The following COMMD5 variants were observed in gnomAD, a reference collection of about 807,000 sequenced individuals.
The protein encoded by COMMD5 is COMM domain-containing protein 5.
Under a neutral mutation model 6.9 loss-of-function variants are expected in COMMD5, and 10 were observed. The ratio of observed to expected loss-of-function variants is 1.44; its 90% CI spans 0.89 to 2.45. COMMD5 has a LOEUF of 2.45. Ranked by LOEUF, COMMD5 falls within the 30% of genes most tolerant of loss-of-function variation. The probability of loss-of-function intolerance (pLI) is 0.00; values close to 1 mark genes in which losing one functional copy is unlikely to be tolerated. For missense variants in COMMD5, 234 were observed against 287.8 expected (o/e 0.81, Z 1.35); for synonymous variants, 127 against 125.3 (o/e 1.01, Z -0.09).
downstream of COMMD5, among the ~76,000 whole-genome samples, chr8:144,847,728 C>T (rs940953738): frequency 2.6e-5 from 4 of 152,186 alleles, no homozygotes; most frequent in African/African-American, 4.8e-5. Flanking sequence ...GGGAGGCATC[C>T]AGGCTTTGAG....
At chr8:144,847,340 G>A (rs1266679600), downstream of COMMD5, 3 of 152,248 alleles carry the variant, frequency 2.0e-5, no homozygotes, top group African/African-American at 7.2e-5. Context: ...AGCACTTTGA[G>A]AGGCCAAGGA....
At chr8:144,841,169 A>G in exon 2 of COMMD5, 1 of 645,502 alleles carries the variant, frequency 1.5e-6, no homozygotes, top group South Asian at 2.1e-5. Flanking sequence ...TGAACAAGGT[A>G]AAAAGTATGA....
chr8:144,848,775 C>T (rs965461411), downstream of COMMD5, among the ~76,000 whole-genome samples: 2 of 152,150 alleles, frequency 1.3e-5, no homozygotes, highest in African/African-American at 4.8e-5. Context: ...AGTGGAATGA[C>T]CAAAATCCTG....
chr8:144,842,730 AAT>A (rs759808315), intron 1 of COMMD5: 46 of 1,613,874 alleles, frequency 2.9e-5, no homozygotes, highest in Non-Finnish European at 3.4e-6. Context: ...CACAGCTTAC[AAT>A]ACATCAAAGG....
At chr8:144,849,861 T>C (rs76258117), downstream of COMMD5, among the ~76,000 whole-genome samples, 7,869 of 151,258 alleles carry the variant, frequency 0.052, 336 homozygotes, top group African/African-American at 0.11. Context: ...TCAGAAGGGC[T>C]CCTCTGTCAC....
chr8:144,846,300 T>C, downstream of COMMD5: 2 of 1,009,692 alleles, frequency 2.0e-6, no homozygotes, highest in East Asian at 2.6e-5. Flanking sequence ...TGGATTGACA[T>C]GGTCCTAAGT....
At chr8:144,844,363 CTT>C (rs947620627) in intron 1 of COMMD5, among the ~76,000 whole-genome samples, 1 of 151,956 alleles carries the variant, frequency 6.6e-6, no homozygotes, top group Non-Finnish European at 1.5e-5. Flanking sequence ...AGTTGCCCCA[CTT>C]TTTTTTGGTA....
downstream of COMMD5, among the ~76,000 whole-genome samples, chr8:144,839,306 C>G (rs545479808): frequency 2.0e-4 from 30 of 152,244 alleles, no homozygotes; most frequent in African/African-American, 6.0e-4. Flanking sequence ...GCCTTGCAGC[C>G]GCCCAGGAAG....
rs774803769 is a variant in COMMD5 at position 144,841,677 on chromosome 8, T to C, written c.*183A>G. On this transcript the variant is annotated 3_prime_UTR_variant and NMD_transcript_variant, in exon 2 of 2. Coordinates refer to the COMMD5 transcript ENST00000530332. ...AGCCTCTTGAAAGTCAGGGAGAGAG[T>C]GCGGAAGGGATGTCCCAGAGATGCG... The C allele has an allele frequency of 1.4e-5, 22 of 1,613,630 alleles. No individual in the cohort carries two copies. In the Admixed American group the frequency reaches 2.2e-4, roughly 16 times the overall value.
chr8:144,847,437 T>C (rs996961786), downstream of COMMD5: 1 of 152,184 alleles, frequency 6.6e-6, no homozygotes, highest in African/African-American at 2.4e-5. Context: ...AGTGAGGCCC[T>C]GTCTCCACAA....
At chr8:144,852,176 G>T (rs1830777477) in intron 1 of COMMD5, among the ~76,000 whole-genome samples, 2 of 120,494 alleles carry the variant, frequency 1.7e-5, no homozygotes, top group African/African-American at 3.1e-5. Context: ...GAGGGGGGAG[G>T]GAGGGGAGGC....
chr8:144,842,669 G>T, intron 1 of COMMD5: 5 of 1,614,156 alleles, frequency 3.1e-6, no homozygotes, highest in Non-Finnish European at 4.2e-6. Flanking sequence ...ATCCATAAAG[G>T]AGAGAAGCCC....
At chr8:144,842,717 G>A in intron 1 of COMMD5, 2 of 1,614,096 alleles carry the variant, frequency 1.2e-6, no homozygotes, top group Non-Finnish European at 1.7e-6. Flanking sequence ...TTCAGTATGA[G>A]CACACAGCTT....
chr8:144,841,344 GT>G, exon 2 of COMMD5: 1 of 1,593,706 alleles, frequency 6.3e-7, no homozygotes, highest in Non-Finnish European at 8.6e-7. Context: ...CTTTGTTCCT[GT>G]TTATTTCAGA....
chr8:144,838,357 C>T (rs935325885), downstream of COMMD5: 9 of 561,192 alleles, frequency 1.6e-5, no homozygotes, highest in Admixed American at 2.8e-4. Flanking sequence ...TTCAGCCTAT[C>T]TTGGGGTCCT....
downstream of COMMD5, chr8:144,840,957 T>C (rs118056871): frequency 7.6e-4 from 152 of 198,748 alleles, 2 homozygotes; most frequent in East Asian, 0.019. Context: ...ACTCAGACCC[T>C]GTACTGTTTC....
downstream of COMMD5, among the ~76,000 whole-genome samples, chr8:144,845,359 A>G (rs1830453744): frequency 6.6e-6 from 1 of 151,688 alleles, no homozygotes; most frequent in Non-Finnish European, 1.5e-5. Flanking sequence ...CTCTGTTGGG[A>G]GCTGGGGGGC....
intron 1 of COMMD5, chr8:144,843,069 A>T: frequency 6.2e-7 from 1 of 1,614,010 alleles, no homozygotes; most frequent in Non-Finnish European, 8.5e-7. Flanking sequence ...TACACCAGAG[A>T]ATTCACACCG....
chr8:144,842,593 C>T (rs774549474), intron 1 of COMMD5: 2 of 1,614,202 alleles, frequency 1.2e-6, no homozygotes, highest in Non-Finnish European at 1.7e-6. Context: ...TGGAGAGAAA[C>T]CCTATGTGTG....
Sources: gnomAD v4.1 joint callset for allele counts (sites outside exome capture counted in the v4.1 genomes callset) on GRCh38, gnomAD v4.1.1 for gene constraint, MANE v1.5 for transcripts, NCBI Gene and HGNC (gene_info 2026-07-23, HGNC 2026-07-21) for gene names.